The following C2CD3 variants were observed in gnomAD, a reference collection of about 807,000 sequenced individuals.
The protein encoded by C2CD3 is C2 domain-containing protein 3.
In C2CD3, 148 loss-of-function variants were observed where a neutral mutation model predicts 234.0. The observed-to-expected ratio is 0.63, with a 90% CI of 0.55 to 0.72. The LOEUF is 0.72. C2CD3 is among the 30% of genes least tolerant of loss of function. The probability of loss-of-function intolerance (pLI) is 0.00; values close to 1 mark genes in which losing one functional copy is unlikely to be tolerated. For synonymous variants in C2CD3, 1,000 were observed against 1,035.4 expected (o/e 0.97, Z 0.66); for missense variants, 2,577 against 2,811.5 (o/e 0.92, Z 1.89).
intron 32 of C2CD3, among the ~76,000 whole-genome samples, chr11:74,024,282 A>G (rs1726758): frequency 0.06 from 9,112 of 152,304 alleles, 858 homozygotes; most frequent in African/African-American, 0.2. Flanking sequence ...ACAAAAATTC[A>G]AGTTAGAATT....
At chr11:74,022,620 C>T (rs1303500416) in intron 32 of C2CD3, among the ~76,000 whole-genome samples, 1 of 151,886 alleles carries the variant, frequency 6.6e-6, no homozygotes, top group Non-Finnish European at 1.5e-5. Context: ...TACTGCCGTT[C>T]TCATCGTCAA....
At chr11:74,156,816 C>A (rs886068922) in intron 3 of C2CD3, among the ~76,000 whole-genome samples, 4 of 151,974 alleles carry the variant, frequency 2.6e-5, no homozygotes, top group Admixed American at 2.6e-4. Flanking sequence ...CCAAAAAATA[C>A]AAAAATTAGC....
intron 25 of C2CD3, 94 bp downstream of exon 25, chr11:74,057,312 C>A (rs1591354701): frequency 2.2e-6 from 3 of 1,338,300 alleles, no homozygotes; most frequent in South Asian, 2.6e-5. Context: ...CAGGTCTGCT[C>A]AAAAATTGTG....
At chr11:74,134,373 C>G (rs914926976) in intron 5 of C2CD3, among the ~76,000 whole-genome samples, 1 of 152,114 alleles carries the variant, frequency 6.6e-6, no homozygotes, top group African/African-American at 2.4e-5. Context: ...CAGCATGTGC[C>G]CATGGTCCCA....
intron 26 of C2CD3, among the ~76,000 whole-genome samples, chr11:74,051,588 T>C (rs1953692575): frequency 6.6e-6 from 1 of 152,170 alleles, no homozygotes; most frequent in Non-Finnish European, 1.5e-5. Context: ...CAACAAGAAC[T>C]TCCCTCAACT....
intron 11 of C2CD3, 52 bp downstream of exon 11, chr11:74,113,728 A>G (rs936065990): frequency 9.0e-7 from 1 of 1,117,174 alleles, no homozygotes; most frequent in Non-Finnish European, 1.4e-6. Flanking sequence ...GAATTCAAAA[A>G]TTCTTCCAAA....
At chr11:74,048,051 G>C (rs561783145) in intron 28 of C2CD3, among the ~76,000 whole-genome samples, 154 bp downstream of exon 28, 1 of 152,148 alleles carries the variant, frequency 6.6e-6, no homozygotes, top group African/African-American at 2.4e-5. Flanking sequence ...GTTTTCATAC[G>C]ATCTTGGGGT....
intron 2 of C2CD3, among the ~76,000 whole-genome samples, chr11:74,167,412 A>T (rs1856880260): frequency 6.6e-6 from 1 of 152,210 alleles, no homozygotes; most frequent in African/African-American, 2.4e-5. Flanking sequence ...GTTCGGGATC[A>T]TTCTTATTAA....
Position 74,103,370 on chromosome 11 carries a change from A to C in C2CD3, c.2341T>G (p.Phe781Val), listed in dbSNP as rs201393565. 8.7e-6 allele frequency: 14 copies of C among 1,614,132 alleles called. No individual in the cohort carries two copies. In the East Asian group the frequency reaches 2.9e-4, roughly 33 times the overall value. Reference sequence around the variant, plus strand: ...TTATGGGAGGCTGGCGTAGCTACGAAGGTTGAAGGATGTGGTGCTACAGGG... The same window carrying C: ...TTATGGGAGGCTGGCGTAGCTACGACGGTTGAAGGATGTGGTGCTACAGGG... ...PSPVAPHPSTFVATPASHNLV... is the reference protein window; with the variant it reads ...PSPVAPHPSTVVATPASHNLV... The change falls in exon 14 of 33, where the codon TTC (phenylalanine) becomes GTC (valine). Residue 781 changes from phenylalanine (F) to valine (V), a missense_variant. Phe to Val is a conservative substitution (Grantham distance 50). Coordinates refer to ENST00000334126, the MANE Select transcript of C2CD3 (RefSeq NM_001286577.2).
chr11:74,125,696 C>T (rs1027866165), intron 7 of C2CD3, among the ~76,000 whole-genome samples: 21 of 151,974 alleles, frequency 1.4e-4, no homozygotes, highest in Non-Finnish European at 2.4e-4. Context: ...ATTTATTGCA[C>T]CTTTTTTCTT....
intron 7 of C2CD3, among the ~76,000 whole-genome samples, 163 bp from the exon 8 acceptor site, chr11:74,123,298 A>G (rs1957284977): frequency 6.6e-6 from 1 of 152,230 alleles, no homozygotes; most frequent in South Asian, 2.1e-4. Flanking sequence ...TCCCAATTAT[A>G]CTACCCCTCC....
chr11:74,106,304 C>T, intron 13 of C2CD3, 67 bp downstream of exon 13: 19 of 1,534,268 alleles, frequency 1.2e-5, no homozygotes, highest in Non-Finnish European at 1.6e-5. Flanking sequence ...ACTGCTATAT[C>T]CTCAGTGCCA....
At chr11:74,055,007 C>T (rs937397236) in intron 25 of C2CD3, among the ~76,000 whole-genome samples, 2 of 152,008 alleles carry the variant, frequency 1.3e-5, no homozygotes, top group Non-Finnish European at 2.9e-5. Context: ...GTAATGATTC[C>T]GCTTATGCCT....
intron 22 of C2CD3, among the ~76,000 whole-genome samples, chr11:74,083,427 C>A (rs1373730689): frequency 1.3e-5 from 2 of 152,060 alleles, no homozygotes; most frequent in Non-Finnish European, 2.9e-5. Context: ...GCAACAAAAG[C>A]CAAAATTGAC....
At position 74,078,352 on chromosome 11, in the gene C2CD3, C is replaced by G. The variant is rs777620814; in HGVS notation, c.4366G>C (p.Glu1456Gln). The G allele has an allele frequency of 6.2e-7, 1 of 1,614,094 alleles. No homozygotes were observed. The highest frequency in any genetic ancestry group is 8.5e-7 in the Non-Finnish European group (1 of 1,180,030). ...ATAATCTGCTTTTTGTTTACAGATTCCTTAGGCTTCTTGAGAGGGGTCCAA... is the reference window on the plus strand; with the variant it reads ...ATAATCTGCTTTTTGTTTACAGATTGCTTAGGCTTCTTGAGAGGGGTCCAA... Reference protein sequence around the residue: ...AFWTPLKKPKESVNKKQIMVT... With the variant: ...AFWTPLKKPKQSVNKKQIMVT... The change falls in exon 23 of 33, where the codon GAA becomes CAA. Residue 1456 changes from glutamate to glutamine, a missense_variant. Physicochemically the swap from Glu to Gln is conservative, Grantham distance 29. Transcript: ENST00000334126.
intron 20 of C2CD3, among the ~76,000 whole-genome samples, chr11:74,090,036 A>G (rs1461294313): frequency 6.6e-6 from 1 of 152,152 alleles, no homozygotes; most frequent in East Asian, 1.9e-4. Flanking sequence ...AGGCAGAGAA[A>G]ACAGCAAGAC....
At chr11:74,137,044 T>C (rs890674386) in intron 5 of C2CD3, among the ~76,000 whole-genome samples, 11 of 151,332 alleles carry the variant, frequency 7.3e-5, no homozygotes, top group Non-Finnish European at 1.3e-4. Context: ...TTTTTTTTTT[T>C]AGAGATGAGA....
chr11:74,063,150 C>T (rs931341651), intron 24 of C2CD3, among the ~76,000 whole-genome samples: 1 of 152,150 alleles, frequency 6.6e-6, no homozygotes, highest in African/African-American at 2.4e-5. Flanking sequence ...AGCCTACCAA[C>T]CAAAAACATC....
Position 74,123,045 on chromosome 11 carries a change from C to G in C2CD3, c.1308G>C (p.Glu436Asp). ...SPGSDVYCISELNDPQYDQSL... is the reference protein window; with the variant it reads ...SPGSDVYCISDLNDPQYDQSL... Reference sequence around the variant, plus strand: ...TCTGGTCATACTGAGGGTCATTCAGCTCACTGATGCAATACACATCACTCC... The same window carrying G: ...TCTGGTCATACTGAGGGTCATTCAGGTCACTGATGCAATACACATCACTCC... Residue 436 changes from glutamate to aspartate, a missense_variant, in exon 8 of 33, where the codon GAG becomes GAC. Physicochemically the swap from Glu to Asp is conservative, Grantham distance 45. Transcript: ENST00000334126. The G allele has an allele frequency of 6.2e-7, 1 of 1,613,048 alleles. No individual in the cohort carries two copies. Among genetic ancestry groups the G allele is most frequent in the East Asian group, 2.2e-5 (1 of 44,858 alleles).
Sources: allele counts gnomAD v4.1 joint callset (sites outside exome capture counted in the v4.1 genomes callset), GRCh38; gene constraint gnomAD v4.1.1; transcripts MANE v1.5; gene names NCBI Gene and HGNC (gene_info 2026-07-23, HGNC 2026-07-21).